PPARGC1A: variants seen among roughly 807,000 people sequenced by gnomAD.
PPARGC1A encodes peroxisome proliferator-activated receptor gamma coactivator 1-alpha.
Under a neutral mutation model 88.7 loss-of-function variants are expected in PPARGC1A, and 25 were observed. The ratio of observed to expected loss-of-function variants is 0.28; its 90% confidence interval spans 0.21 to 0.39. PPARGC1A has a LOEUF of 0.39. Among genes scored for constraint, PPARGC1A ranks in the 10% least tolerant of loss-of-function variants. The pLI, the probability that PPARGC1A is intolerant of heterozygous loss-of-function variation, is 1.00. For missense variants in PPARGC1A, 880 were observed against 968.7 expected (o/e 0.91, Z 1.22); for synonymous variants, 363 against 355.6 (o/e 1.02, Z -0.24).
rs780862516 is a variant in PPARGC1A at position 23,813,823 on chromosome 4, G to A, written c.1660C>T (p.Pro554Ser). 3.1e-6 allele frequency: 5 copies of A among 1,613,922 alleles called. No homozygotes were observed. The highest frequency in any genetic ancestry group is 3.4e-6 in the Non-Finnish European group (4 of 1,179,876). Residue 554 changes from proline to serine, a missense_variant, in exon 8 of 13, where the codon CCC becomes TCC. Physicochemically the swap from Pro to Ser is moderately conservative, Grantham distance 74. Coordinates refer to ENST00000264867, the MANE Select transcript of PPARGC1A (RefSeq NM_013261.5). ...NSPCRDSVSP[P>S]KSLFSQRPQR... The stretch of plus-strand genomic sequence containing the variant: ...GGTCTTTGAGAAAATAAGGATTTGG[G>A]TGGTGACACAGAATCTCTACATGGA...
chr4:24,159,357 T>C, the PPARGC1A span, among the ~76,000 whole-genome samples: 22,660 of 151,618 alleles, frequency 0.15, 2,485 homozygotes, highest in African/African-American at 0.31. Context: ...ATTATAGGCA[T>C]GCACCACCAC....
chr4:23,996,906 A>C, the PPARGC1A span, among the ~76,000 whole-genome samples: 1 of 152,226 alleles, frequency 6.6e-6, no homozygotes, highest in Admixed American at 6.5e-5. Context: ...GAAGGACAGT[A>C]ATTAAACTTC....
chr4:23,916,794 A>G, the PPARGC1A span, among the ~76,000 whole-genome samples: 1 of 152,274 alleles, frequency 6.6e-6, no homozygotes, highest in African/African-American at 2.4e-5. Flanking sequence ...CATTTAAAAA[A>G]TAAATATCCA....
At chr4:23,827,199 A>T (rs758983187) in intron 5 of PPARGC1A, among the ~76,000 whole-genome samples, 3 of 152,194 alleles carry the variant, frequency 2.0e-5, no homozygotes, top group Non-Finnish European at 4.4e-5. Context: ...TGAGATATCT[A>T]CCAGGGAAAA....
chr4:23,937,525 AAAAATAAAAT>A, the PPARGC1A span, among the ~76,000 whole-genome samples: 1 of 151,902 alleles, frequency 6.6e-6, no homozygotes, highest in Non-Finnish European at 1.5e-5. Flanking sequence ...AAATAAAATA[AAAAATAAAAT>A]AAAATAAAAT....
chr4:24,397,341 C>T, the PPARGC1A span, among the ~76,000 whole-genome samples: 1 of 152,148 alleles, frequency 6.6e-6, no homozygotes, highest in Non-Finnish European at 1.5e-5. Context: ...GAGATGCAAA[C>T]ATGAGGAGGA....
upstream of PPARGC1A, among the ~76,000 whole-genome samples, chr4:23,909,063 G>C (rs1200093928): frequency 6.6e-6 from 1 of 152,170 alleles, no homozygotes; most frequent in Non-Finnish European, 1.5e-5. Context: ...TACAGTAGTT[G>C]AGTGCATTGA....
chr4:23,915,463 C>T, the PPARGC1A span, among the ~76,000 whole-genome samples: 1 of 152,186 alleles, frequency 6.6e-6, no homozygotes. Context: ...CCATCCTAGT[C>T]CCCAGCCATT....
At chr4:23,967,498 G>T in the PPARGC1A span, among the ~76,000 whole-genome samples, 1 of 152,180 alleles carries the variant, frequency 6.6e-6, no homozygotes, top group East Asian at 1.9e-4. Flanking sequence ...TTAGTCTGCC[G>T]ACTCGGGAAC....
intron 5 of PPARGC1A, among the ~76,000 whole-genome samples, chr4:23,827,091 T>C (rs1295536658): frequency 6.6e-6 from 1 of 152,128 alleles, no homozygotes; most frequent in Non-Finnish European, 1.5e-5. Flanking sequence ...AAAACTGTTC[T>C]AGTGCTTATG....
the PPARGC1A span, among the ~76,000 whole-genome samples, chr4:24,400,163 T>C: frequency 6.6e-6 from 1 of 152,192 alleles, no homozygotes. Context: ...TGGTTAATAC[T>C]GAATGTCAAC....
At chr4:24,312,354 C>A in the PPARGC1A span, among the ~76,000 whole-genome samples, 1 of 151,260 alleles carries the variant, frequency 6.6e-6, no homozygotes, top group Non-Finnish European at 1.5e-5. Context: ...ATTTTTCATT[C>A]CCAAATTAAC....
the PPARGC1A span, among the ~76,000 whole-genome samples, chr4:24,057,451 T>C: frequency 5.7e-5 from 5 of 88,318 alleles, no homozygotes; most frequent in East Asian, 2.7e-4. Context: ...AAGGCTAAGA[T>C]GGTTTAAAAA....
the PPARGC1A span, among the ~76,000 whole-genome samples, chr4:24,139,395 C>A: frequency 1.1e-3 from 41 of 38,364 alleles, no homozygotes; most frequent in African/African-American, 0.014. Flanking sequence ...GGCCTAGAAA[C>A]TTCTTAATGA....
chr4:24,448,139 T>A, the PPARGC1A span, among the ~76,000 whole-genome samples: 1 of 152,162 alleles, frequency 6.6e-6, no homozygotes, highest in Admixed American at 6.5e-5. Flanking sequence ...CAAACATTAT[T>A]TTCCTATATA....
In PPARGC1A at chr4:23,875,151, C is replaced by T. The variant is rs57438975; in HGVS notation, c.234+9601G>A. On this transcript the variant is annotated intron_variant, in intron 2 of 12. Transcript: ENST00000264867. ...AAGTTAGTATCCCTCAATAGGGAGA[C>T]CTAAAAAGATAATTGTTTGTGGACT... Among the ~76,000 whole-genome samples the T allele has an allele frequency of 7.3e-3, 1,109 of 152,100 alleles. 14 individuals are homozygous for T. The highest frequency in any genetic ancestry group is 9.2e-3 in the Non-Finnish European group (625 of 68,002).
intron 2 of PPARGC1A, among the ~76,000 whole-genome samples, chr4:23,855,787 C>T (rs942304015): frequency 5.3e-5 from 8 of 152,024 alleles, no homozygotes; most frequent in Admixed American, 1.3e-4. Context: ...GGCACCTAAG[C>T]TGTGGTAGGG....
the PPARGC1A span, among the ~76,000 whole-genome samples, chr4:24,084,342 A>G: frequency 1.3e-5 from 2 of 152,220 alleles, no homozygotes; most frequent in Admixed American, 6.5e-5. Context: ...AATTATACCT[A>G]TGGATTTAGG....
chr4:24,094,964 C>T, the PPARGC1A span, among the ~76,000 whole-genome samples: 1 of 152,164 alleles, frequency 6.6e-6, no homozygotes, highest in African/African-American at 2.4e-5. Flanking sequence ...TCTTGTGCTT[C>T]TTAACACCAC....
Sources: allele counts gnomAD v4.1 joint callset (sites outside exome capture counted in the v4.1 genomes callset), GRCh38; gene constraint gnomAD v4.1.1; transcripts MANE v1.5; gene names NCBI Gene and HGNC (gene_info 2026-07-23, HGNC 2026-07-21).